The following ERP44 variants were observed in gnomAD, a reference collection of about 807,000 sequenced individuals.
ERP44 encodes the protein endoplasmic reticulum resident protein 44.
ERP44 carries 25 observed loss-of-function variants against 53.4 expected under a neutral mutation model. The ratio of observed to expected loss-of-function variants is 0.47; its 90% CI spans 0.34 to 0.65. The LOEUF (loss-of-function observed/expected upper bound fraction) is 0.65, where lower values mean the gene tolerates loss of function less well. Ranked by LOEUF, ERP44 falls within the 30% of genes least tolerant of loss-of-function variation. The pLI is 0.01. For missense variants in ERP44, 338 were observed against 493.2 expected, an observed-to-expected ratio of 0.69 and a Z score of 2.98; for synonymous variants, 145 against 161.2, an observed-to-expected ratio of 0.90 and a Z score of 0.76.
intron 3 of ERP44, among the ~76,000 whole-genome samples, chr9:100,056,558 T>C (rs1241024504): frequency 6.6e-6 from 1 of 152,160 alleles, no homozygotes; most frequent in Non-Finnish European, 1.5e-5. Flanking sequence ...TAAGTATGGG[T>C]GTTACCGGAA....
rs1830122050 is a variant in ERP44 at position 99,979,280 on chromosome 9, A to G, written c.*3332T>C. The G allele has an allele frequency of 6.6e-6, 1 of 150,824 alleles. No individual in the cohort carries two copies. Among genetic ancestry groups the G allele is most frequent in the Non-Finnish European group, 1.5e-5 (1 of 67,796 alleles). The allele number at this position is 150,824 out of a possible 1,614,324, so 9.3% of individuals were successfully genotyped here. On this transcript the variant is annotated 3_prime_UTR_variant, in exon 12 of 12. Transcript: ENST00000262455. ...TTCTGTTCTTCCTGATTGTCAATCC[A>G]TTACACTACTTTATCCATTCCTTTT...
At chr9:100,033,075 A>G (rs1354374629) in intron 4 of ERP44, among the ~76,000 whole-genome samples, 2 of 152,214 alleles carry the variant, frequency 1.3e-5, no homozygotes, top group Non-Finnish European at 2.9e-5. Context: ...CAAAATTTGG[A>G]GCATATTTGT....
At chr9:100,014,672 T>C (rs1166603200) in intron 8 of ERP44, among the ~76,000 whole-genome samples, 2 of 152,252 alleles carry the variant, frequency 1.3e-5, no homozygotes, top group East Asian at 3.8e-4. Flanking sequence ...AAGAGCTTTA[T>C]TGAAACACAG....
At chr9:100,009,278 A>AT (rs1830448810) in intron 8 of ERP44, among the ~76,000 whole-genome samples, 1 of 151,870 alleles carries the variant, frequency 6.6e-6, no homozygotes, top group Admixed American at 6.6e-5. Flanking sequence ...TGCCCAGCTA[A>AT]TTTTTTTGTA....
At chr9:100,007,277 G>T (rs10819715) in intron 9 of ERP44, among the ~76,000 whole-genome samples, 2 of 151,952 alleles carry the variant, frequency 1.3e-5, no homozygotes, top group Non-Finnish European at 2.9e-5. Context: ...CATTGGAAAA[G>T]GGGTCACACA....
chr9:100,024,061 C>A (rs182679932), intron 4 of ERP44, among the ~76,000 whole-genome samples: 75 of 151,988 alleles, frequency 4.9e-4, no homozygotes, highest in African/African-American at 1.8e-3. Flanking sequence ...GGCTGAGGCA[C>A]GAGAATCTCT....
intron 4 of ERP44, among the ~76,000 whole-genome samples, chr9:100,048,270 A>T (rs1272240641): frequency 3.3e-5 from 5 of 152,148 alleles, no homozygotes; most frequent in Non-Finnish European, 7.4e-5. Context: ...ATTTATACAT[A>T]TGTTAACAAA....
At chr9:100,038,937 A>C (rs959240643) in intron 4 of ERP44, among the ~76,000 whole-genome samples, 5 of 152,228 alleles carry the variant, frequency 3.3e-5, no homozygotes, top group African/African-American at 1.2e-4. Context: ...GGGTCAATTC[A>C]GCAAGAGGAT....
At chr9:100,093,711 T>C (rs760556781) in intron 1 of ERP44, among the ~76,000 whole-genome samples, 1 of 152,090 alleles carries the variant, frequency 6.6e-6, no homozygotes, top group African/African-American at 2.4e-5. Flanking sequence ...GACCAACAAT[T>C]CTACAGAAAA....
chr9:100,077,053 C>T lies in ERP44; in HGVS notation c.58-16881G>A, dbSNP rs34359782. Among the ~76,000 whole-genome samples the T allele has an allele frequency of 9.6e-3, 1,456 of 152,288 alleles. 14 individuals are homozygous for T. The highest frequency in any genetic ancestry group is 0.012 in the African/African-American group (480 of 41,564). On this transcript the variant is annotated intron_variant, in intron 1 of 11. Transcript: ENST00000262455. ...AGGCACCTTTCCTCAGGGTGATCAG[C>T]CAGCTACCTGGTGGCAGGTTGATTA...
At chr9:100,090,686 C>G (rs1010179325) in intron 1 of ERP44, among the ~76,000 whole-genome samples, 16 of 151,496 alleles carry the variant, frequency 1.1e-4, no homozygotes, top group Non-Finnish European at 1.5e-5. Flanking sequence ...GAGGTGGAGG[C>G]TGCAGTGAGC....
intron 1 of ERP44, among the ~76,000 whole-genome samples, chr9:100,082,472 A>C (rs1453995133): frequency 6.6e-6 from 1 of 151,996 alleles, no homozygotes; most frequent in Admixed American, 6.6e-5. Context: ...ATACACCTCA[A>C]GTCAGAGAGA....
chr9:100,098,942 G>C lies in ERP44; in HGVS notation c.-102C>G. The C allele has an allele frequency of 1.1e-6, 1 of 905,342 alleles. No homozygotes were observed. Among genetic ancestry groups the C allele is most frequent in the East Asian group, 2.6e-5 (1 of 39,042 alleles). 56.1% of individuals were successfully genotyped at this position (905,342 alleles called of 1,614,324 possible). A position where few individuals can be genotyped will look rare whatever the true frequency, so the allele number is the denominator to read the frequency against. ...CTGGGCTCCGGGAGCCGACGGCAGCGGAGGATTCTCCAGGCAGCGGCACCT... is the reference window on the plus strand; with the variant it reads ...CTGGGCTCCGGGAGCCGACGGCAGCCGAGGATTCTCCAGGCAGCGGCACCT... On this transcript the variant is annotated 5_prime_UTR_variant, in exon 1 of 12. Transcript: ENST00000262455.
intron 10 of ERP44, among the ~76,000 whole-genome samples, chr9:100,005,480 C>T (rs1351499212): frequency 6.6e-6 from 1 of 152,162 alleles, no homozygotes; most frequent in African/African-American, 2.4e-5. Flanking sequence ...TCTTTCTGAG[C>T]ATAGATAAAG....
At chr9:100,017,262 A>G (rs1165744266) in intron 7 of ERP44, among the ~76,000 whole-genome samples, 1 of 152,248 alleles carries the variant, frequency 6.6e-6, no homozygotes, top group Non-Finnish European at 1.5e-5. Flanking sequence ...CAACATCCCA[A>G]TAAAGCAAGT....
rs1323513337 is a variant in ERP44, at chr9:100,089,426, C to CA, written c.57+9357dup. ...CAAAACCCCAAATCTACTAAAAATA[C>CA]AAAAATTAGCTGGGTGTAGTGGCGA... On this transcript the variant is annotated intron_variant, in intron 1 of 11. Transcript: ENST00000262455. 7.2e-5 allele frequency among the ~76,000 whole-genome samples: 11 copies of CA among 151,864 alleles called. No individual in the cohort carries two copies. The East Asian group carries it at 1.6e-3, about 21-fold the overall frequency.
At chr9:100,079,084 T>C (rs1450418375) in intron 1 of ERP44, among the ~76,000 whole-genome samples, 2 of 152,170 alleles carry the variant, frequency 1.3e-5, no homozygotes, top group Non-Finnish European at 2.9e-5. Flanking sequence ...ATCTTGGGTA[T>C]GTCTGTGATG....
At chr9:99,990,344 A>T (rs994598475) in intron 10 of ERP44, among the ~76,000 whole-genome samples, 4 of 152,248 alleles carry the variant, frequency 2.6e-5, no homozygotes, top group Non-Finnish European at 5.9e-5. Flanking sequence ...GCCAGAAGAG[A>T]GTAGGGGCCA....
chr9:100,012,564 T>C (rs1243162709), intron 8 of ERP44, among the ~76,000 whole-genome samples: 1 of 152,188 alleles, frequency 6.6e-6, no homozygotes, highest in Admixed American at 6.5e-5. Context: ...CAAACATTCA[T>C]ACATTTGATT....
Sources: allele counts gnomAD v4.1 joint callset (sites outside exome capture counted in the v4.1 genomes callset), GRCh38; gene constraint gnomAD v4.1.1; transcripts MANE v1.5; gene names NCBI Gene and HGNC (gene_info 2026-07-23, HGNC 2026-07-21).